CHRNA5: variants seen among roughly 807,000 people sequenced by gnomAD.
CHRNA5 encodes the protein neuronal acetylcholine receptor subunit alpha-5.
A neutral mutation model predicts 41.2 loss-of-function variants in CHRNA5; 28 were observed. The observed-to-expected ratio is 0.68, with a 90% CI of 0.50 to 0.93. The LOEUF is 0.93. Among genes scored for constraint, CHRNA5 ranks in the 40% least tolerant of loss-of-function variants. The probability of loss-of-function intolerance (pLI) is 0.00; values close to 1 mark genes in which losing one functional copy is unlikely to be tolerated. For missense variants in CHRNA5, 481 were observed against 581.9 expected (o/e 0.83, Z 1.78); for synonymous variants, 188 against 205.8 (o/e 0.91, Z 0.74).
intron 1 of CHRNA5, among the ~76,000 whole-genome samples, chr15:78,568,562 C>T (rs1057330108): frequency 1.3e-5 from 2 of 151,994 alleles, no homozygotes; most frequent in African/African-American, 4.8e-5. Context: ...GTTTGCTACA[C>T]CTATCAACCT....
At chr15:78,589,008 G>C (rs2052986335) in intron 4 of CHRNA5, 1 of 152,052 alleles carries the variant, frequency 6.6e-6, no homozygotes, top group Non-Finnish European at 1.5e-5. Flanking sequence ...TGATTCGAAA[G>C]AAGGCCATTT....
At position 78,588,544 on chromosome 15, in the gene CHRNA5, C is replaced by T. The variant is rs755250024; in HGVS notation, c.413+121C>T. On this transcript the variant is annotated intron_variant, in intron 4 of 5. Coordinates refer to ENST00000299565, the Ensembl canonical transcript of CHRNA5. This position sits in a 1 kb window ranked among gnomAD's most constrained non-coding sequence, Gnocchi z 4.1. ...AGGTATAAAAATCAAATGACATGACCGCATGTGCCTGGGTATGATTACATG... is the reference window on the plus strand; with the variant it reads ...AGGTATAAAAATCAAATGACATGACTGCATGTGCCTGGGTATGATTACATG... The T allele has an allele frequency of 2.4e-5, 12 of 493,386 alleles. No homozygotes were observed. Among genetic ancestry groups the T allele is most frequent in the Non-Finnish European group, 3.9e-5 (11 of 281,752 alleles). 30.6% of individuals were successfully genotyped at this position (493,386 alleles called of 1,614,324 possible).
At chr15:78,581,120 T>G (rs2052910356) in intron 2 of CHRNA5, among the ~76,000 whole-genome samples, 158 bp downstream of exon 2, 1 of 152,284 alleles carries the variant, frequency 6.6e-6, no homozygotes, top group Non-Finnish European at 1.5e-5. Flanking sequence ...TTGTGTCACA[T>G]ACATGATAAC....
intron 1 of CHRNA5, 134 bp from the exon 2 acceptor site, chr15:78,580,677 C>T: frequency 3.5e-6 from 2 of 568,750 alleles, no homozygotes; most frequent in South Asian, 3.4e-5. Context: ...CTCTCCATGG[C>T]CCAGGTTGGA....
At chr15:78,586,436 A>T (rs761837455) in intron 2 of CHRNA5, among the ~76,000 whole-genome samples, 4 of 152,224 alleles carry the variant, frequency 2.6e-5, no homozygotes, top group Non-Finnish European at 5.9e-5. Flanking sequence ...CTTTTAGTGT[A>T]GTTTATCTGA....
chr15:78,569,039 A>G (rs1405566288), intron 1 of CHRNA5, among the ~76,000 whole-genome samples: 1 of 152,222 alleles, frequency 6.6e-6, no homozygotes, highest in Admixed American at 6.5e-5. Flanking sequence ...TGTTATATAT[A>G]TGTCCTTACG....
intron 1 of CHRNA5, among the ~76,000 whole-genome samples, chr15:78,574,403 C>T (rs1596057418): frequency 1.3e-5 from 2 of 148,470 alleles, no homozygotes; most frequent in East Asian, 4.0e-4. Flanking sequence ...AAAAAATCCT[C>T]AGGTATCTTT....
At chr15:78,575,767 G>T (rs975030936) in intron 1 of CHRNA5, among the ~76,000 whole-genome samples, 1 of 152,184 alleles carries the variant, frequency 6.6e-6, no homozygotes, top group Non-Finnish European at 1.5e-5. Flanking sequence ...TTTAATACCT[G>T]TGTCACAGAT....
rs2052999764 is a variant in CHRNA5 at position 78,590,260 on chromosome 15, T to TC, written c.869_870insC (p.Ser291ValfsTer10). On this transcript the variant is annotated frameshift_variant, in exon 5 of 6. Transcript: ENST00000299565. LOFTEE classifies it high-confidence loss of function. ...ATTTGTCTCTGCACTTCAGTACTTGTGTCTTTGACTGTCTTCCTTCTGGTT... is the reference window on the plus strand; with the variant it reads ...ATTTGTCTCTGCACTTCAGTACTTGTCGTCTTTGACTGTCTTCCTTCTGGTT... 1 of 1,613,928 alleles carries TC rather than the reference T, an allele frequency of 6.2e-7. No individual in the cohort carries two copies. The highest frequency in any genetic ancestry group is 1.3e-5 in the African/African-American group (1 of 74,956).
chr15:78,587,414 G>T (rs1421503840), intron 3 of CHRNA5, among the ~76,000 whole-genome samples: 2 of 152,120 alleles, frequency 1.3e-5, no homozygotes, highest in African/African-American at 4.8e-5. Flanking sequence ...AGCAAGCCAT[G>T]TGTATATCTG....
At chr15:78,571,578 C>CTTTT (rs34248937) in intron 1 of CHRNA5, among the ~76,000 whole-genome samples, 4 of 116,618 alleles carry the variant, frequency 3.4e-5, no homozygotes, top group Non-Finnish European at 5.4e-5. Flanking sequence ...GATGCTCTGC[C>CTTTT]TTTTTTTTTT....
intron 1 of CHRNA5, among the ~76,000 whole-genome samples, chr15:78,570,661 A>G (rs1168809406): frequency 6.6e-6 from 1 of 152,082 alleles, no homozygotes; most frequent in African/African-American, 2.4e-5. Context: ...AATAGGAGTT[A>G]AATATGAATA....
intron 3 of CHRNA5, among the ~76,000 whole-genome samples, chr15:78,587,421 T>C (rs2052970674): frequency 6.6e-6 from 1 of 151,710 alleles, no homozygotes; most frequent in Non-Finnish European, 1.5e-5. Context: ...CATGTGTATA[T>C]CTGGGGAGGA....
chr15:78,573,093 G>A (rs1567052594), intron 1 of CHRNA5, among the ~76,000 whole-genome samples: 1 of 152,190 alleles, frequency 6.6e-6, no homozygotes, highest in Non-Finnish European at 1.5e-5. Flanking sequence ...TGCAAGAAGG[G>A]TCAGTTTTGC....
At chr15:78,570,307 G>A (rs1288466851) in intron 1 of CHRNA5, among the ~76,000 whole-genome samples, 1 of 151,624 alleles carries the variant, frequency 6.6e-6, no homozygotes, top group Non-Finnish European at 1.5e-5. Context: ...CACCTAGGCT[G>A]GAGTGCAGTG....
intron 5 of CHRNA5, 197 bp downstream of exon 5, chr15:78,590,833 A>G (rs559380323): frequency 2.9e-5 from 16 of 560,398 alleles, no homozygotes. Context: ...AAAATGGGGC[A>G]TTTACACAAA....
chr15:78,575,055 A>G (rs114797397), intron 1 of CHRNA5, among the ~76,000 whole-genome samples: 2,409 of 152,064 alleles, frequency 0.016, 55 homozygotes, highest in African/African-American at 0.055. Flanking sequence ...AAGTATTCAA[A>G]TTAAGGTTTT....
intron 1 of CHRNA5, among the ~76,000 whole-genome samples, chr15:78,568,711 C>G (rs999796093): frequency 2.0e-5 from 3 of 152,138 alleles, no homozygotes; most frequent in African/African-American, 7.2e-5. Context: ...TCAACTCCCA[C>G]TTATGAAAGA....
chr15:78,574,549 C>T (rs1474865476), intron 1 of CHRNA5, among the ~76,000 whole-genome samples: 1 of 151,984 alleles, frequency 6.6e-6, no homozygotes, highest in East Asian at 1.9e-4. Context: ...AGCAGAGGTT[C>T]TCCTTTTTAT....
Sources: gnomAD v4.1 joint callset for allele counts (sites outside exome capture counted in the v4.1 genomes callset) on GRCh38, gnomAD v4.1.1 for gene constraint, Gnocchi (gnomAD v3.1) non-coding constraint, MANE v1.5 for transcripts, NCBI Gene and HGNC (gene_info 2026-07-23, HGNC 2026-07-21) for gene names.